Variants in KIF24 observed in about 807,000 individuals in gnomAD.
The protein encoded by KIF24 is kinesin family member 24.
Under a neutral mutation model 118.9 loss-of-function variants are expected in KIF24, and 81 were observed. That is an observed-to-expected ratio of 0.68 (90% CI 0.57 to 0.82). The LOEUF (loss-of-function observed/expected upper bound fraction) is 0.82. Ranked by LOEUF, KIF24 falls within the 40% of genes least tolerant of loss-of-function variation. The probability of loss-of-function intolerance (pLI) is 0.00; values close to 1 mark genes in which losing one functional copy is unlikely to be tolerated. For missense variants in KIF24, 1,560 were observed against 1,661.6 expected (o/e 0.94, Z 1.06); for synonymous variants, 599 against 610.0 (o/e 0.98, Z 0.27).
chr9:34,320,968 T>A (rs1269321696), intron 1 of KIF24, among the ~76,000 whole-genome samples: 1 of 152,224 alleles, frequency 6.6e-6, no homozygotes, highest in African/African-American at 2.4e-5. Context: ...GTTTTCTTTG[T>A]AGTTACGTAT....
intron 1 of KIF24, chr9:34,319,021 C>A (rs955232672): frequency 8.1e-7 from 1 of 1,232,722 alleles, no homozygotes; most frequent in Non-Finnish European, 1.2e-6. Flanking sequence ...CCATGTTCTT[C>A]AAGCCACACT....
At position 34,306,316 on chromosome 9, in the gene KIF24, T is replaced by C. The variant is rs527593988; in HGVS notation, c.749A>G (p.Asp250Gly). ...CTCATGCACAAGTAGAGTTTCTTTG[T>C]CTTCTACAGTAATAATATTAATTTC... ...RGEINIITVE[D>G]KETLLVHEKK... Residue 250 changes from aspartate (D) to glycine (G), a missense_variant, in exon 3 of 13, where the codon GAC becomes GGC. Coordinates refer to ENST00000402558, the MANE Select transcript of KIF24 (RefSeq NM_194313.4). 2.1e-5 allele frequency: 34 copies of C among 1,610,258 alleles called. No individual in the cohort carries two copies. The Admixed American group carries it at 4.5e-4, about 21-fold the overall frequency.
chr9:34,318,407 C>A lies in KIF24; in HGVS notation c.-25-7036G>T. 1.4e-6 allele frequency: 1 copy of A among 700,892 alleles called. No homozygotes were observed. 43.4% of individuals were successfully genotyped at this position (700,892 alleles called of 1,614,324 possible). A position where few individuals can be genotyped will look rare whatever the true frequency, so the allele number is the denominator to read the frequency against. On this transcript the variant is annotated intron_variant, in intron 1 of 12. Transcript: ENST00000402558. The surrounding 1 kb of genome is among the most constrained non-coding windows in gnomAD (Gnocchi z 4.9). ...GCACGCAAACCACCTCCCAGCCACG[C>A]GCTCCCTCCTGCTCCTCAGCGCCTT...
chr9:34,256,616 G>A lies in KIF24; in HGVS notation c.2991C>T (p.Ser997=). 6.8e-6 allele frequency: 11 copies of A among 1,613,916 alleles called. No homozygotes were observed. The highest frequency in any genetic ancestry group is 9.3e-6 in the Non-Finnish European group (11 of 1,179,890). ...ISLSHVAVPG[S]PDQRDTVTTP... is the part of the protein sequence containing the mutation. ...TGGTGACTGTGTCTCTTTGGTCTGGGGATCCAGGAACTGCAACGTGGGACA... is the reference window on the plus strand; with the variant it reads ...TGGTGACTGTGTCTCTTTGGTCTGGAGATCCAGGAACTGCAACGTGGGACA... The change falls in exon 11 of 13, where the codon TCC becomes TCT. Residue 997 remains serine (S), a synonymous_variant. Transcript: ENST00000402558.
At chr9:34,261,955 A>C (rs1835073091) in intron 9 of KIF24, among the ~76,000 whole-genome samples, 2 of 151,844 alleles carry the variant, frequency 1.3e-5, no homozygotes, top group African/African-American at 2.4e-5. Flanking sequence ...CTTTTTTAAG[A>C]TGAGGTCTCT....
rs1001512660 is a variant in KIF24 at position 34,318,870 on chromosome 9, G to C, written c.-25-7499C>G. 3 of 1,601,268 alleles carry C rather than the reference G, an allele frequency of 1.9e-6. No individual in the cohort carries two copies. The Admixed American group carries it at 5.0e-5, about 27-fold the overall frequency. ...CGCAGCAGCAAGCAGCACTACAACT[G>C]CGAGCACTCCAAGATCAATTTCCAT... On this transcript the variant is annotated intron_variant, in intron 1 of 12. Coordinates refer to ENST00000402558, the MANE Select transcript of KIF24 (RefSeq NM_194313.4). This position sits in a 1 kb window ranked among gnomAD's most constrained non-coding sequence, Gnocchi z 4.9.
At chr9:34,308,832 T>G (rs1837029571) in intron 2 of KIF24, among the ~76,000 whole-genome samples, 1 of 152,024 alleles carries the variant, frequency 6.6e-6, no homozygotes, top group Non-Finnish European at 1.5e-5. Context: ...GTAATCCCAG[T>G]GCTTTGGGAA....
intron 1 of KIF24, among the ~76,000 whole-genome samples, chr9:34,326,802 T>C (rs1837685724): frequency 6.6e-6 from 1 of 152,160 alleles, no homozygotes; most frequent in South Asian, 2.1e-4. Context: ...AAGTAGGAAG[T>C]CATTAGAGGA....
chr9:34,269,327 G>A lies in KIF24; in HGVS notation c.1373C>T (p.Ala458Val). 1 of 1,610,724 alleles carries A rather than the reference G, an allele frequency of 6.2e-7. No homozygotes were observed. The highest frequency in any genetic ancestry group is 8.5e-7 in the Non-Finnish European group (1 of 1,177,504). Residue 458 changes from alanine (A) to valine (V), a missense_variant, in exon 8 of 13, where the codon GCA becomes GTA. Ala to Val is a moderately conservative substitution (Grantham distance 64). This residue lies in a region of KIF24 where 964 missense variants were observed against 988.0 expected (regional missense o/e 0.98). Transcript: ENST00000402558. ...SFIDLAGSER[A>V]ADARDSDRQT... ...TCTATCTGAGTCCCTTGCATCTGCTGCTCTTTCACTGCCAGCCAAGTCAAT... is the reference window on the plus strand; with the variant it reads ...TCTATCTGAGTCCCTTGCATCTGCTACTCTTTCACTGCCAGCCAAGTCAAT...
chr9:34,262,966 C>T (rs1242961068), intron 9 of KIF24, 135 bp downstream of exon 9: 7 of 662,222 alleles, frequency 1.1e-5, no homozygotes, highest in South Asian at 5.3e-5. Flanking sequence ...AATTTCACTC[C>T]TCTCCTTCTC....
chr9:34,256,612 C>A lies in KIF24; in HGVS notation c.2995G>T (p.Asp999Tyr). ...LSHVAVPGSP[D>Y]QRDTVTTPLR... ...GGTGTGGTGACTGTGTCTCTTTGGT[C>A]TGGGGATCCAGGAACTGCAACGTGG... Residue 999 changes from aspartate to tyrosine, a missense_variant, in exon 11 of 13, where the codon GAC (aspartate) becomes TAC (tyrosine). Physicochemically the swap from Asp to Tyr is radical, Grantham distance 160. Transcript: ENST00000402558. 1.2e-6 allele frequency: 2 copies of A among 1,613,972 alleles called. No individual in the cohort carries two copies. Among genetic ancestry groups the A allele is most frequent in the Non-Finnish European group, 1.7e-6 (2 of 1,179,900 alleles).
rs141290990 is a variant in KIF24, at chr9:34,306,208, T to C, written c.813+44A>G. 5.6e-4 allele frequency: 718 copies of C among 1,291,716 alleles called. 4 individuals carry two copies. In the African/African-American group the frequency reaches 9.8e-3, roughly 18 times the overall value. The allele number at this position is 1,291,716 out of a possible 1,614,324, so 80.0% of individuals were successfully genotyped here. A position where few individuals can be genotyped will look rare whatever the true frequency, so the allele number is the denominator to read the frequency against. ...AAACAAAAAGCAAAAAAAAATGACA[T>C]ACTTGATAATATTAGTTCCAAACAT... On this transcript the variant is annotated intron_variant, in intron 3 of 12. Transcript: ENST00000402558.
At chr9:34,288,878 ACACAC>A (rs2131747093) in intron 5 of KIF24, among the ~76,000 whole-genome samples, 1 of 149,142 alleles carries the variant, frequency 6.7e-6, no homozygotes, top group South Asian at 2.1e-4. Flanking sequence ...ACACACACAC[ACACAC>A]ACACACACAC....
rs79618345 is a variant in KIF24 at position 34,305,168 on chromosome 9, A to T, written c.813+1084T>A. On this transcript the variant is annotated intron_variant, in intron 3 of 12. Coordinates refer to ENST00000402558, the MANE Select transcript of KIF24 (RefSeq NM_194313.4). ...TTGCAAGGTACCTTCAGCTTGGAAT[A>T]AGTTTCTTTCAATACCAAACTCTTT... Among the ~76,000 whole-genome samples the T allele has an allele frequency of 1.0e-3, 154 of 152,316 alleles. 1 individual carries two copies. Among genetic ancestry groups the T allele is most frequent in the African/African-American group, 3.6e-3 (149 of 41,564 alleles).
In KIF24 at chr9:34,319,769, G is replaced by A. The variant is rs1837454940; in HGVS notation, c.-25-8398C>T. 5.1e-6 allele frequency: 3 copies of A among 592,202 alleles called. No homozygotes were observed. The African/African-American group carries it at 5.5e-5, about 11-fold the overall frequency. The allele number at this position is 592,202 out of a possible 1,614,324, so 36.7% of individuals were successfully genotyped here. On this transcript the variant is annotated intron_variant, in intron 1 of 12. Transcript: ENST00000402558. ...CAGCTTGGATACTCCATGGGTGGGG[G>A]TGGACAAACAAACCAGGGTTCCCGT...
chr9:34,330,680 G>C (rs1476186546), upstream of KIF24, among the ~76,000 whole-genome samples: 1 of 152,168 alleles, frequency 6.6e-6, no homozygotes, highest in Non-Finnish European at 1.5e-5. Context: ...AAATGGTAGC[G>C]GCCGGGCGCG....
At chr9:34,279,562 C>G (rs1354102208) in intron 6 of KIF24, among the ~76,000 whole-genome samples, 1 of 152,182 alleles carries the variant, frequency 6.6e-6, no homozygotes, top group Non-Finnish European at 1.5e-5. Context: ...CCTGCGTTGG[C>G]AAGAAATCAA....
intron 9 of KIF24, among the ~76,000 whole-genome samples, 185 bp downstream of exon 9, chr9:34,262,916 G>T (rs1835148781): frequency 6.6e-6 from 1 of 151,706 alleles, no homozygotes. Flanking sequence ...CAGATTTTTA[G>T]ATTAATGATA....
At chr9:34,328,417 A>G (rs1455505228) in intron 1 of KIF24, among the ~76,000 whole-genome samples, 2 of 152,238 alleles carry the variant, frequency 1.3e-5, no homozygotes, top group Non-Finnish European at 2.9e-5. Flanking sequence ...TTGGGAGACC[A>G]AGGCTAAAAG....
Sources: gnomAD v4.1 joint callset for allele counts (sites outside exome capture counted in the v4.1 genomes callset) on GRCh38, gnomAD v4.1.1 for gene constraint, gnomAD v4.1.1 regional missense constraint, Gnocchi (gnomAD v3.1) non-coding constraint, MANE v1.5 for transcripts, NCBI Gene and HGNC (gene_info 2026-07-23, HGNC 2026-07-21) for gene names.